NRCAM: variants seen among roughly 807,000 people sequenced by gnomAD.
The protein encoded by NRCAM is neuronal cell adhesion molecule.
A neutral mutation model predicts 156.5 loss-of-function variants in NRCAM; 83 were observed. That is an observed-to-expected ratio of 0.53 (90% confidence interval 0.44 to 0.64). The LOEUF (loss-of-function observed/expected upper bound fraction) is 0.64, where lower values mean the gene tolerates loss of function less well. Among genes scored for constraint, NRCAM ranks in the 30% least tolerant of loss-of-function variants. The pLI, the probability that NRCAM is intolerant of heterozygous loss-of-function variation, is 0.00. For synonymous variants in NRCAM, 538 were observed against 563.9 expected, an observed-to-expected ratio of 0.95 and a Z score of 0.65; for missense variants, 1,417 against 1,597.3, an observed-to-expected ratio of 0.89 and a Z score of 1.92.
intron 1 of NRCAM, among the ~76,000 whole-genome samples, chr7:108,446,177 A>G (rs1000956244): frequency 2.0e-5 from 3 of 152,238 alleles, no homozygotes; most frequent in Non-Finnish European, 4.4e-5. Context: ...TGGGGTCACA[A>G]GGATGTCATT....
rs1395266321 is a variant in NRCAM at position 108,226,231 on chromosome 7, G to T, written c.698C>A (p.Pro233His). The change falls in exon 9 of 33, where the codon CCT (proline) becomes CAT (histidine). Residue 233 changes from proline to histidine, a missense_variant. Coordinates refer to ENST00000379028, the MANE Select transcript of NRCAM (RefSeq NM_001037132.4). ...ACCTGAAATCACCTTCACAGAAATA[G>T]GTTGCTTCTGCTGTATGGTTTGAGT... is the stretch of plus-strand genomic sequence containing the variant. ...NHTQTIQQKQ[P>H]ISVKVISVDE... The T allele has an allele frequency of 1.2e-6, 2 of 1,600,906 alleles. No homozygotes were observed. Among genetic ancestry groups the T allele is most frequent in the South Asian group, 2.3e-5 (2 of 88,312 alleles).
chr7:108,194,409 T>C lies in NRCAM; in HGVS notation c.1483A>G (p.Ser495Gly). The C allele has an allele frequency of 6.2e-7, 1 of 1,605,754 alleles. No homozygotes were observed. The highest frequency in any genetic ancestry group is 8.5e-7 in the Non-Finnish European group (1 of 1,176,056). Residue 495 changes from serine to glycine, a missense_variant, in exon 16 of 33, where the codon AGT becomes GGT. Ser to Gly is a moderately conservative substitution (Grantham distance 56). Coordinates refer to ENST00000379028, the MANE Select transcript of NRCAM (RefSeq NM_001037132.4). Reference protein sequence around the residue: ...TIEWFKGAKGSALHEDIYVLH... With the variant: ...TIEWFKGAKGGALHEDIYVLH... ...ACATAAATATCTTCATGAAGAGCAC[T>C]TCCTTTAGCTCCTTTAAACCTTCAT...
At chr7:108,426,336 G>A (rs1817273394) in intron 1 of NRCAM, among the ~76,000 whole-genome samples, 1 of 152,206 alleles carries the variant, frequency 6.6e-6, no homozygotes, top group Admixed American at 6.5e-5. Context: ...TGTGCTCTAG[G>A]CACAAGGCTT....
intron 3 of NRCAM, among the ~76,000 whole-genome samples, chr7:108,259,544 GTA>G: frequency 6.6e-6 from 1 of 152,294 alleles, no homozygotes; most frequent in African/African-American, 2.4e-5. Context: ...ACATGCATGT[GTA>G]TGTTTGTTGC....
At chr7:108,406,388 G>A (rs913687001) in intron 1 of NRCAM, among the ~76,000 whole-genome samples, 1 of 152,236 alleles carries the variant, frequency 6.6e-6, no homozygotes, top group Non-Finnish European at 1.5e-5. Context: ...AAGGCCTCAT[G>A]TAAAGGGTTG....
intron 1 of NRCAM, among the ~76,000 whole-genome samples, chr7:108,439,816 G>C (rs1836505741): frequency 1.7e-5 from 2 of 115,184 alleles, no homozygotes; most frequent in South Asian, 5.9e-4. Context: ...CTGGGTGACA[G>C]AGCAAGACTC....
At chr7:108,366,846 G>A (rs1488888217) in intron 2 of NRCAM, among the ~76,000 whole-genome samples, 5 of 152,176 alleles carry the variant, frequency 3.3e-5, no homozygotes, top group Non-Finnish European at 7.3e-5. Context: ...ATGATCATTT[G>A]TCATCTTAGA....
At chr7:108,405,180 G>A (rs1370310540) in intron 1 of NRCAM, among the ~76,000 whole-genome samples, 1 of 152,230 alleles carries the variant, frequency 6.6e-6, no homozygotes, top group African/African-American at 2.4e-5. Flanking sequence ...TGGCATTCAT[G>A]ACCTTACATT....
chr7:108,387,250 A>G (rs1344985936), intron 2 of NRCAM, among the ~76,000 whole-genome samples: 2 of 152,040 alleles, frequency 1.3e-5, no homozygotes, highest in Non-Finnish European at 2.9e-5. Flanking sequence ...TTCTCCACAT[A>G]CCTTATTAAT....
chr7:108,177,647 A>G (rs186049272), intron 26 of NRCAM, among the ~76,000 whole-genome samples: 3 of 15,510 alleles, frequency 1.9e-4, no homozygotes, highest in African/African-American at 2.4e-4. Flanking sequence ...ATATATATAT[A>G]TATATATATA....
At position 108,148,112 on chromosome 7, in the gene NRCAM, C is replaced by T. The variant is rs537321727; in HGVS notation, c.*1798G>A. On this transcript the variant is annotated 3_prime_UTR_variant, in exon 33 of 33. Transcript: ENST00000379028. ...ATATCAAACATGCCAGGTTACTAGG[C>T]CTACTGTGCCCCATAGGCAAAGCTC... 1.3e-5 allele frequency: 2 copies of T among 152,666 alleles called. No homozygotes were observed. Among genetic ancestry groups the T allele is most frequent in the African/African-American group, 4.8e-5 (2 of 41,546 alleles). 9.5% of individuals were successfully genotyped at this position (152,666 alleles called of 1,614,324 possible).
chr7:108,351,972 G>A (rs1442463199), intron 2 of NRCAM, among the ~76,000 whole-genome samples: 2 of 152,186 alleles, frequency 1.3e-5, no homozygotes, highest in Non-Finnish European at 2.9e-5. Flanking sequence ...TGCCCTGAGA[G>A]TGCCTTAGGG....
intron 26 of NRCAM, among the ~76,000 whole-genome samples, chr7:108,177,622 CAAATATATATATATATATAT>C (rs2061195305): frequency 2.5e-5 from 2 of 80,006 alleles, no homozygotes; most frequent in South Asian, 5.0e-4. Context: ...GACTCCATCT[CAAATATATATATATATATAT>C]ATATATATAT....
intron 3 of NRCAM, among the ~76,000 whole-genome samples, chr7:108,296,050 T>G (rs115600324): frequency 1.6e-3 from 247 of 152,336 alleles, no homozygotes; most frequent in African/African-American, 5.6e-3. Flanking sequence ...CAAAGGCTAT[T>G]CTTTGTTTCA....
chr7:108,355,386 T>A (rs1428868945), intron 2 of NRCAM, among the ~76,000 whole-genome samples: 3 of 152,196 alleles, frequency 2.0e-5, no homozygotes, highest in Admixed American at 6.5e-5. Flanking sequence ...ATTACATTTT[T>A]AAAATAATAA....
chr7:108,194,439 G>T lies in NRCAM; in HGVS notation c.1464-11C>A, dbSNP rs2073791283. The T allele has an allele frequency of 6.4e-7, 1 of 1,555,070 alleles. No homozygotes were observed. The highest frequency in any genetic ancestry group is 1.2e-5 in the South Asian group (1 of 84,332). ...TTAGCTCCTTTAAACCTTCATTACAGAAATTATCACAATGAGAATAAAAAC... is the reference window on the plus strand; with the variant it reads ...TTAGCTCCTTTAAACCTTCATTACATAAATTATCACAATGAGAATAAAAAC... On this transcript the variant is annotated splice_polypyrimidine_tract_variant and intron_variant, in intron 15 of 32. Coordinates refer to ENST00000379028, the MANE Select transcript of NRCAM (RefSeq NM_001037132.4).
rs536287623 is a variant in NRCAM at position 108,255,455 on chromosome 7, C to G, written c.-106-15285G>C. On this transcript the variant is annotated intron_variant, in intron 3 of 32. Transcript: ENST00000379028. ...GGTGCCGGGATTGCAGACGGAGTCT[C>G]GCTCACTCAGTGCTCAATGTTGCCC... Among the ~76,000 whole-genome samples the G allele has an allele frequency of 9.7e-4, 148 of 152,318 alleles. 1 individual carries two copies. The highest frequency in any genetic ancestry group is 3.4e-3 in the African/African-American group (143 of 41,574).
At chr7:108,189,784 C>G (rs2069909361) in intron 19 of NRCAM, 38 bp from the exon 20 acceptor site, 2 of 786,002 alleles carry the variant, frequency 2.5e-6, no homozygotes, top group East Asian at 5.1e-5. Context: ...GTCACGCATC[C>G]ATCTTTAAGA....
chr7:108,387,160 C>A (rs923111432), intron 2 of NRCAM, among the ~76,000 whole-genome samples: 81 of 152,078 alleles, frequency 5.3e-4, no homozygotes, highest in African/African-American at 1.7e-3. Flanking sequence ...TGAACAATTC[C>A]AGTTCCTTTA....
Sources: allele counts gnomAD v4.1 joint callset (sites outside exome capture counted in the v4.1 genomes callset), GRCh38; gene constraint gnomAD v4.1.1; transcripts MANE v1.5; gene names NCBI Gene and HGNC (gene_info 2026-07-23, HGNC 2026-07-21).